AGBL4: variants seen among roughly 807,000 people sequenced by gnomAD.
AGBL4 encodes AGBL carboxypeptidase 4.
Under a neutral mutation model 66.4 loss-of-function variants are expected in AGBL4, and 58 were observed. That is an observed-to-expected ratio of 0.87 (90% CI 0.71 to 1.09). The LOEUF is 1.09. AGBL4 is among the 50% of genes least tolerant of loss of function. The pLI is 0.00. For missense variants in AGBL4, 579 were observed against 631.0 expected (o/e 0.92, Z 0.88); for synonymous variants, 234 against 222.9 (o/e 1.05, Z -0.44).
At chr1:48,869,968 C>T (rs2148827206) in intron 5 of AGBL4, among the ~76,000 whole-genome samples, 1 of 152,156 alleles carries the variant, frequency 6.6e-6, no homozygotes, top group Non-Finnish European at 1.5e-5. Context: ...CTCAACTGAA[C>T]TAGTCCCCAA....
intron 4 of AGBL4, among the ~76,000 whole-genome samples, chr1:49,225,410 C>T (rs891146596): frequency 5.3e-5 from 8 of 152,170 alleles, no homozygotes; most frequent in South Asian, 4.1e-4. Flanking sequence ...CAAAGATACA[C>T]GCTATTTAGC....
intron 6 of AGBL4, among the ~76,000 whole-genome samples, chr1:48,686,052 C>T (rs1247306744): frequency 2.0e-5 from 3 of 152,086 alleles, no homozygotes; most frequent in Non-Finnish European, 4.4e-5. Context: ...TCATTGAATC[C>T]CCTCCAAATC....
chr1:49,612,464 C>G, intron 3 of AGBL4, among the ~76,000 whole-genome samples: 1 of 152,144 alleles, frequency 6.6e-6, no homozygotes, highest in East Asian at 1.9e-4. Flanking sequence ...TTAAATCTGA[C>G]AAAGATTTTA....
intron 5 of AGBL4, among the ~76,000 whole-genome samples, chr1:48,980,292 G>C (rs1221340421): frequency 2.0e-5 from 3 of 152,138 alleles, no homozygotes; most frequent in Non-Finnish European, 4.4e-5. Context: ...AGAGCATTTA[G>C]TACAGGTCCT....
rs372527936 is a variant in AGBL4 at position 49,285,198 on chromosome 1, C to A, written c.283-39334G>T. On this transcript the variant is annotated intron_variant, in intron 3 of 13. Transcript: ENST00000371839. ...TCAGACCACAGTGAAATGAAAATAGCACTCAGGATTAAGAATCTCACTCAA... is the reference window on the plus strand; with the variant it reads ...TCAGACCACAGTGAAATGAAAATAGAACTCAGGATTAAGAATCTCACTCAA... Among the ~76,000 whole-genome samples, 220 of 152,214 alleles carry A rather than the reference C, an allele frequency of 1.4e-3. 2 individuals carry two copies. The highest frequency in any genetic ancestry group is 9.6e-3 in the South Asian group (46 of 4,816).
rs144304813 is a variant in AGBL4, at chr1:48,542,877, C to G, written c.1268-3139G>C. 1.7e-3 allele frequency among the ~76,000 whole-genome samples: 265 copies of G among 152,228 alleles called. 2 individuals are homozygous for G. The highest frequency in any genetic ancestry group is 2.7e-3 in the Non-Finnish European group (187 of 68,022). ...ATTTGTCAACTTTGGCTTTTGTTGC[C>G]ATTGCTTTTGGTGTTTCAGTCATGA... On this transcript the variant is annotated intron_variant, in intron 11 of 13. Transcript: ENST00000371839.
intron 2 of AGBL4, among the ~76,000 whole-genome samples, chr1:49,808,338 A>G (rs955566030): frequency 7.9e-5 from 12 of 152,156 alleles, no homozygotes; most frequent in African/African-American, 2.9e-4. Flanking sequence ...GAGGATGTCT[A>G]TAGATTCACA....
chr1:49,199,770 T>A (rs753755724), intron 4 of AGBL4, among the ~76,000 whole-genome samples: 1 of 152,166 alleles, frequency 6.6e-6, no homozygotes, highest in Non-Finnish European at 1.5e-5. Flanking sequence ...ACCATGATGT[T>A]CAACTCTCTC....
intron 6 of AGBL4, among the ~76,000 whole-genome samples, chr1:48,857,450 A>T (rs1934385): frequency 5.9e-5 from 9 of 152,296 alleles, no homozygotes; most frequent in South Asian, 4.2e-4. Flanking sequence ...GGGCCGGGTG[A>T]GGTGGCTCGT....
intron 11 of AGBL4, among the ~76,000 whole-genome samples, chr1:48,583,360 C>T (rs536234676): frequency 3.3e-5 from 5 of 152,310 alleles, no homozygotes; most frequent in African/African-American, 1.2e-4. Context: ...CACTGCAACT[C>T]GGTGAGGTTA....
chr1:49,281,093 G>T (rs1185942922), intron 3 of AGBL4, among the ~76,000 whole-genome samples: 1 of 152,044 alleles, frequency 6.6e-6, no homozygotes, highest in Non-Finnish European at 1.5e-5. Flanking sequence ...AGTATTACAG[G>T]CAGACATTAT....
intron 2 of AGBL4, among the ~76,000 whole-genome samples, chr1:49,780,494 T>G (rs1194085718): frequency 2.0e-5 from 3 of 152,064 alleles, no homozygotes; most frequent in Non-Finnish European, 2.9e-5. Context: ...CTTCTCAGCT[T>G]CTTTAAAATA....
chr1:49,579,521 A>T (rs1644500781), intron 3 of AGBL4, among the ~76,000 whole-genome samples: 1 of 151,868 alleles, frequency 6.6e-6, no homozygotes, highest in Non-Finnish European at 1.5e-5. Flanking sequence ...TTTTTTTGAG[A>T]TAAAGTCTCG....
intron 3 of AGBL4, among the ~76,000 whole-genome samples, chr1:49,567,994 C>A (rs1644247592): frequency 6.6e-6 from 1 of 152,046 alleles, no homozygotes; most frequent in African/African-American, 2.4e-5. Context: ...ATATAAAAAA[C>A]CCACAGCCAA....
At chr1:49,857,339 A>G (rs1646460983) in intron 1 of AGBL4, among the ~76,000 whole-genome samples, 1 of 152,142 alleles carries the variant, frequency 6.6e-6, no homozygotes, top group East Asian at 1.9e-4. Flanking sequence ...TTCAAAATAC[A>G]ATGACTTTCT....
Position 50,023,914 on chromosome 1 carries a change from G to T in AGBL4, c.-118C>A. The T allele has an allele frequency of 8.3e-7, 1 of 1,199,576 alleles. No homozygotes were observed. Among genetic ancestry groups the T allele is most frequent in the Non-Finnish European group, 1.1e-6 (1 of 893,150 alleles). The allele number at this position is 1,199,576 out of a possible 1,614,324, so 74.3% of individuals were successfully genotyped here. ...GGAAGACGCGGCACGACGGTTGCCT[G>T]GGCAACGGGCGGCAGGCGCGCGGGT... On this transcript the variant is annotated 5_prime_UTR_variant, in exon 1 of 14. Transcript: ENST00000371839.
At chr1:49,662,060 A>G (rs1218869264) in intron 3 of AGBL4, among the ~76,000 whole-genome samples, 1 of 151,894 alleles carries the variant, frequency 6.6e-6, no homozygotes, top group Non-Finnish European at 1.5e-5. Flanking sequence ...AAGCCAGACA[A>G]AAAGAAATAA....
chr1:49,808,383 A>G (rs1400443614), intron 2 of AGBL4, among the ~76,000 whole-genome samples: 1 of 152,160 alleles, frequency 6.6e-6, no homozygotes, highest in Non-Finnish European at 1.5e-5. Flanking sequence ...TGTTGAAAAG[A>G]CTACAAACTT....
chr1:49,731,664 T>G (rs1027886814), intron 2 of AGBL4, among the ~76,000 whole-genome samples: 1 of 152,102 alleles, frequency 6.6e-6, no homozygotes, highest in Admixed American at 6.5e-5. Flanking sequence ...TTAAAATATC[T>G]ATTATTCCAG....
Sources: allele counts gnomAD v4.1 joint callset (sites outside exome capture counted in the v4.1 genomes callset), GRCh38; gene constraint gnomAD v4.1.1; transcripts MANE v1.5; gene names NCBI Gene and HGNC (gene_info 2026-07-23, HGNC 2026-07-21).